The following MTHFD2L variants were observed in gnomAD, a reference collection of about 807,000 sequenced individuals.
MTHFD2L encodes the protein bifunctional methylenetetrahydrofolate dehydrogenase/cyclohydrolase 2, mitochondrial.
MTHFD2L carries 29 observed loss-of-function variants against 34.9 expected under a neutral mutation model. The observed-to-expected ratio is 0.83, with a 90% CI of 0.62 to 1.13. The LOEUF (loss-of-function observed/expected upper bound fraction) is 1.13, where lower values mean the gene tolerates loss of function less well. Ranked by LOEUF, MTHFD2L falls within the 50% of genes most tolerant of loss-of-function variation. The probability of loss-of-function intolerance (pLI) is 0.00; values close to 1 mark genes in which losing one functional copy is unlikely to be tolerated. For synonymous variants in MTHFD2L, 167 were observed against 155.7 expected (o/e 1.07, Z -0.54); for missense variants, 481 against 446.5 (o/e 1.08, Z -0.70).
At chr4:74,202,725 C>T (rs914056893) in intron 5 of MTHFD2L, among the ~76,000 whole-genome samples, 1 of 152,120 alleles carries the variant, frequency 6.6e-6, no homozygotes, top group African/African-American at 2.4e-5. Flanking sequence ...CCATTTATTA[C>T]TTCTAATCTT....
At chr4:74,173,457 C>T (rs184875009) in intron 1 of MTHFD2L, among the ~76,000 whole-genome samples, 1 of 152,284 alleles carries the variant, frequency 6.6e-6, no homozygotes, top group Admixed American at 6.5e-5. Context: ...GTTTACTGAC[C>T]TGATCCCCAC....
In MTHFD2L at chr4:74,302,200, AC is replaced by A. The variant is rs1750404931; in HGVS notation, c.*392del. ...TATAAAATGTAATTTAGGTTTTGCT[AC>A]TTGCATGCTAACATTTTTAATGTAT... On this transcript the variant is annotated 3_prime_UTR_variant, in exon 8 of 8. Transcript: ENST00000325278. The A allele has an allele frequency of 6.5e-6, 1 of 154,690 alleles. No homozygotes were observed. Among genetic ancestry groups the A allele is most frequent in the South Asian group, 2.1e-4 (1 of 4,878 alleles). 9.6% of individuals were successfully genotyped at this position (154,690 alleles called of 1,614,324 possible). A position where few individuals can be genotyped will look rare whatever the true frequency, so the allele number is the denominator to read the frequency against.
intron 2 of MTHFD2L, among the ~76,000 whole-genome samples, chr4:74,117,084 A>G (rs994329362): frequency 6.6e-6 from 1 of 152,188 alleles, no homozygotes; most frequent in African/African-American, 2.4e-5. Flanking sequence ...TCTGTGATGG[A>G]AATGCTTGGA....
chr4:74,244,486 C>T (rs1314541953), intron 6 of MTHFD2L, among the ~76,000 whole-genome samples: 1 of 148,950 alleles, frequency 6.7e-6, no homozygotes, highest in Non-Finnish European at 1.5e-5. Flanking sequence ...AGTATCCCCA[C>T]TGTGAGCTTG....
chr4:74,163,649 A>G (rs1725945368), intron 1 of MTHFD2L, among the ~76,000 whole-genome samples: 2 of 152,196 alleles, frequency 1.3e-5, no homozygotes, highest in Non-Finnish European at 2.9e-5. Flanking sequence ...ACTTGCAGGT[A>G]TTCATTTATT....
intron 7 of MTHFD2L, among the ~76,000 whole-genome samples, chr4:74,291,003 C>CCTTTTTTTTTTTTTTTTTTTTTT (rs1748846516): frequency 6.8e-5 from 2 of 29,272 alleles, no homozygotes; most frequent in Non-Finnish European, 1.3e-4. Context: ...TTTTCCTTTT[C>CCTTTTTTTTTTTTTTTTTTTTTT]TTTTTTTTTT....
At chr4:74,261,033 C>T (rs1160252817) in intron 6 of MTHFD2L, among the ~76,000 whole-genome samples, 1 of 151,108 alleles carries the variant, frequency 6.6e-6, no homozygotes, top group Non-Finnish European at 1.5e-5. Flanking sequence ...TATATATATA[C>T]TCTGTTGTAA....
chr4:74,290,164 G>C (rs1247760949), intron 7 of MTHFD2L, among the ~76,000 whole-genome samples: 1 of 152,114 alleles, frequency 6.6e-6, no homozygotes, highest in Admixed American at 6.6e-5. Flanking sequence ...TTTAATTTGA[G>C]ACTCCATCTG....
chr4:74,295,232 G>T (rs1202400387), intron 7 of MTHFD2L, among the ~76,000 whole-genome samples: 2 of 151,880 alleles, frequency 1.3e-5, no homozygotes, highest in Non-Finnish European at 2.9e-5. Flanking sequence ...CATGTGCTTT[G>T]GTCATAATGA....
intron 3 of MTHFD2L, chr4:74,195,536 G>A (rs895826113): frequency 6.6e-6 from 1 of 152,192 alleles, no homozygotes; most frequent in African/African-American, 2.4e-5. Flanking sequence ...AGGTGTGAGA[G>A]AAAGAGGGAT....
intron 1 of MTHFD2L, among the ~76,000 whole-genome samples, chr4:74,152,653 A>C (rs1363260238): frequency 1.3e-5 from 2 of 152,010 alleles, no homozygotes; most frequent in Non-Finnish European, 2.9e-5. Context: ...TTAGGTATTT[A>C]TCCTAATGCT....
At chr4:74,177,672 T>C (rs1202572952) in intron 3 of MTHFD2L, among the ~76,000 whole-genome samples, 1 of 151,892 alleles carries the variant, frequency 6.6e-6, no homozygotes, top group Non-Finnish European at 1.5e-5. Flanking sequence ...GGTACAGTCA[T>C]TTTAGAAAAC....
At chr4:74,267,108 TA>T in intron 6 of MTHFD2L, 1 of 985,294 alleles carries the variant, frequency 1.0e-6, no homozygotes, top group Non-Finnish European at 1.2e-6. Context: ...AATTTTCCTT[TA>T]AATAAATGTT....
At chr4:74,262,189 G>GA (rs1441031256) in intron 6 of MTHFD2L, among the ~76,000 whole-genome samples, 3 of 151,726 alleles carry the variant, frequency 2.0e-5, no homozygotes, top group African/African-American at 7.2e-5. Flanking sequence ...TCCCATTTAG[G>GA]AAAAAAATCT....
intron 6 of MTHFD2L, among the ~76,000 whole-genome samples, chr4:74,256,294 A>G (rs1259006717): frequency 2.0e-5 from 3 of 152,096 alleles, no homozygotes; most frequent in East Asian, 3.9e-4. Flanking sequence ...TATTTTTAAT[A>G]GAGATGGGGT....
chr4:74,135,648 T>C (rs1382354182), intron 1 of MTHFD2L, among the ~76,000 whole-genome samples: 6 of 152,098 alleles, frequency 3.9e-5, no homozygotes, highest in Admixed American at 2.0e-4. Flanking sequence ...TTCAAACTCA[T>C]TCTACAAGGC....
chr4:74,268,934 ATTTT>A (rs1275443974), intron 6 of MTHFD2L, among the ~76,000 whole-genome samples: 1 of 152,058 alleles, frequency 6.6e-6, no homozygotes, highest in East Asian at 1.9e-4. Flanking sequence ...TTTATTCGGT[ATTTT>A]TTTGCCTAGG....
chr4:74,207,965 A>T (rs2110075088), intron 5 of MTHFD2L, among the ~76,000 whole-genome samples: 1 of 152,014 alleles, frequency 6.6e-6, no homozygotes, highest in African/African-American at 2.4e-5. Context: ...TGCAGGAGTC[A>T]TGCAAAGTGA....
At chr4:74,292,332 G>C (rs1020017486) in intron 7 of MTHFD2L, among the ~76,000 whole-genome samples, 3 of 152,212 alleles carry the variant, frequency 2.0e-5, no homozygotes, top group Non-Finnish European at 4.4e-5. Context: ...AACAAGAGAA[G>C]TGACTAATGC....
Sources: allele counts gnomAD v4.1 joint callset (sites outside exome capture counted in the v4.1 genomes callset), GRCh38; gene constraint gnomAD v4.1.1; transcripts MANE v1.5; gene names NCBI Gene and HGNC (gene_info 2026-07-23, HGNC 2026-07-21).